KLHL2: variants seen among roughly 807,000 people sequenced by gnomAD.
KLHL2 encodes kelch like family member 2, also known as kelch-like protein 2.
A neutral mutation model predicts 75.8 loss-of-function variants in KLHL2; 15 were observed. The ratio of observed to expected loss-of-function variants is 0.20; its 90% confidence interval spans 0.13 to 0.30. The LOEUF is 0.30. KLHL2 is among the 10% of genes least tolerant of loss of function. The pLI is 1.00. For synonymous variants in KLHL2, 214 were observed against 251.9 expected, an observed-to-expected ratio of 0.85 and a Z score of 1.42; for missense variants, 381 against 741.0, an observed-to-expected ratio of 0.51 and a Z score of 5.64.
Position 165,263,329 on chromosome 4 carries a change from G to A in KLHL2, c.514G>A (p.Asp172Asn), listed in dbSNP as rs1168098936. ...TTTTGCTGATATGCATGCATGTACC[G>A]ACCTTCTGAACAAGGCCAACACCTA... ...RAFADMHACT[D>N]LLNKANTYAE... The change falls in exon 5 of 15, where the codon GAC becomes AAC. Residue 172 changes from aspartate (D) to asparagine (N), a missense_variant. By Grantham distance (23) the Asp-to-Asn change is conservative. Coordinates refer to ENST00000226725, the MANE Select transcript of KLHL2 (RefSeq NM_007246.4). The A allele has an allele frequency of 9.3e-6, 15 of 1,613,822 alleles. No individual in the cohort carries two copies. The highest frequency in any genetic ancestry group is 1.3e-5 in the Non-Finnish European group (15 of 1,179,936).
Position 165,238,810 on chromosome 4 carries a change from A to G in KLHL2, c.292A>G (p.Arg98Gly). The G allele has an allele frequency of 6.2e-7, 1 of 1,614,122 alleles. No individual in the cohort carries two copies. Among genetic ancestry groups the G allele is most frequent in the South Asian group, 1.1e-5 (1 of 91,086 alleles). Residue 98 changes from arginine (R) to glycine (G), a missense_variant, in exon 4 of 15, where the codon AGA (arginine) becomes GGA (glycine). Transcript: ENST00000226725. ...GAGTGAGAGCCGAGCAAAGAGAGTT[A>G]GAATAAAAGAGGTAGATGGCTGGAC... ...EMSESRAKRV[R>G]IKEVDGWTLR...
intron 5 of KLHL2, among the ~76,000 whole-genome samples, chr4:165,286,906 T>C (rs1560805956): frequency 6.6e-6 from 1 of 152,242 alleles, no homozygotes; most frequent in Non-Finnish European, 1.5e-5. Context: ...AGGAAAGTAG[T>C]TGGATCTAGT....
chr4:165,242,616 C>T (rs760065183), intron 4 of KLHL2, among the ~76,000 whole-genome samples: 3 of 152,134 alleles, frequency 2.0e-5, no homozygotes, highest in Non-Finnish European at 4.4e-5. Flanking sequence ...CCCACCTCAG[C>T]CTTCCAAGTA....
intron 7 of KLHL2, 104 bp from the exon 8 acceptor site, chr4:165,299,403 G>T (rs1579154900): frequency 9.9e-7 from 1 of 1,011,064 alleles, no homozygotes; most frequent in East Asian, 2.6e-5. Flanking sequence ...CTAAACTAAA[G>T]GATATAGTTA....
chr4:165,244,739 T>C (rs1274413057), intron 4 of KLHL2, among the ~76,000 whole-genome samples: 1 of 152,194 alleles, frequency 6.6e-6, no homozygotes, highest in Non-Finnish European at 1.5e-5. Context: ...TTAAATGCCA[T>C]GTGACCTTGC....
At chr4:165,225,609 CTT>C (rs1738377404) in intron 2 of KLHL2, among the ~76,000 whole-genome samples, 1 of 152,128 alleles carries the variant, frequency 6.6e-6, no homozygotes, top group South Asian at 2.1e-4. Flanking sequence ...TAGTGCCAGA[CTT>C]TTCATTCGTA....
intron 9 of KLHL2, 84 bp downstream of exon 9, chr4:165,305,809 A>T: frequency 1.1e-6 from 1 of 940,882 alleles, no homozygotes; most frequent in East Asian, 2.4e-5. Flanking sequence ...TAATTAGAAA[A>T]ATCTCTATCA....
chr4:165,233,732 G>A (rs533362303), intron 3 of KLHL2, among the ~76,000 whole-genome samples: 30 of 152,258 alleles, frequency 2.0e-4, no homozygotes, highest in African/African-American at 6.7e-4. Flanking sequence ...GAAGAAGAAA[G>A]GTTAGACAGT....
intron 5 of KLHL2, among the ~76,000 whole-genome samples, chr4:165,264,605 T>TATATATATATATACACAC (rs757273597): frequency 2.3e-4 from 29 of 124,128 alleles, no homozygotes; most frequent in African/African-American, 7.7e-4. Flanking sequence ...TATATATATA[T>TATATATATATATACACAC]ACACACACAC....
intron 2 of KLHL2, among the ~76,000 whole-genome samples, chr4:165,228,406 C>T (rs367578348): frequency 1.3e-5 from 2 of 150,438 alleles, no homozygotes; most frequent in Middle Eastern, 3.4e-3. Flanking sequence ...GGGTATTTGA[C>T]CCAATTTAGT....
intron 5 of KLHL2, chr4:165,279,821 G>C (rs1743520998): frequency 1.5e-6 from 1 of 676,664 alleles, no homozygotes; most frequent in Non-Finnish European, 2.7e-6. Flanking sequence ...CTCATTTTCT[G>C]TCTTGGCCTC....
At position 165,303,494 on chromosome 4, in the gene KLHL2, GC is replaced by G. The variant is rs35038980; in HGVS notation, c.922-2106del. ...CCAATTCTGTAATTTTTACAACCTT[GC>G]CCCCCCCGCCGTTTTTGGGTGGTCA... On this transcript the variant is annotated intron_variant, in intron 8 of 14. Transcript: ENST00000226725. 7.6e-3 allele frequency among the ~76,000 whole-genome samples: 866 copies of G among 113,408 alleles called. 59 individuals carry two copies. The highest frequency in any genetic ancestry group is 0.023 in the African/African-American group (832 of 35,442). 74.4% of individuals were successfully genotyped at this position (113,408 alleles called of 152,430 possible).
chr4:165,300,373 A>T (rs1745257680), intron 8 of KLHL2, among the ~76,000 whole-genome samples: 1 of 151,626 alleles, frequency 6.6e-6, no homozygotes, highest in South Asian at 2.1e-4. Context: ...GTTTCACAGA[A>T]TTACACATTA....
At chr4:165,296,864 T>C (rs1354464680) in intron 6 of KLHL2, among the ~76,000 whole-genome samples, 1 of 152,158 alleles carries the variant, frequency 6.6e-6, no homozygotes, top group Non-Finnish European at 1.5e-5. Context: ...TTTAGTTTCT[T>C]GCTTTTTTTT....
At chr4:165,251,861 G>A (rs1033511671) in intron 4 of KLHL2, among the ~76,000 whole-genome samples, 8 of 151,922 alleles carry the variant, frequency 5.3e-5, no homozygotes, top group African/African-American at 1.9e-4. Flanking sequence ...CGCCCGCCTC[G>A]GCCTCCCAAA....
At chr4:165,311,805 C>CTGTG (rs1256006906) in intron 11 of KLHL2, among the ~76,000 whole-genome samples, 2 of 101,904 alleles carry the variant, frequency 2.0e-5, no homozygotes, top group Non-Finnish European at 4.1e-5. Flanking sequence ...CTCCTCCTTT[C>CTGTG]TCTCTGTGTG....
intron 4 of KLHL2, among the ~76,000 whole-genome samples, chr4:165,257,317 A>G (rs1741255338): frequency 6.6e-6 from 1 of 152,250 alleles, no homozygotes; most frequent in African/African-American, 2.4e-5. Flanking sequence ...TGAAAGCCTT[A>G]TAAAATATGT....
intron 9 of KLHL2, among the ~76,000 whole-genome samples, chr4:165,308,763 G>C (rs921009578): frequency 6.6e-6 from 1 of 152,180 alleles, no homozygotes; most frequent in Non-Finnish European, 1.5e-5. Context: ...CCTGGAGTTA[G>C]TTATGATTTT....
At chr4:165,212,239 T>C (rs1737241071) in intron 1 of KLHL2, among the ~76,000 whole-genome samples, 1 of 152,136 alleles carries the variant, frequency 6.6e-6, no homozygotes, top group Admixed American at 6.5e-5. Context: ...ATATTGTTAG[T>C]AGTATTACAG....
Sources: allele counts gnomAD v4.1 joint callset (sites outside exome capture counted in the v4.1 genomes callset), GRCh38; gene constraint gnomAD v4.1.1; transcripts MANE v1.5; gene names NCBI Gene and HGNC (gene_info 2026-07-23, HGNC 2026-07-21).